ZFP14: variants seen among roughly 807,000 people sequenced by gnomAD.
ZFP14 encodes the protein zinc finger protein 14 homolog.
Under a neutral mutation model 54.5 loss-of-function variants are expected in ZFP14, and 22 were observed. The observed-to-expected ratio is 0.40, with a 90% CI of 0.29 to 0.58. ZFP14 has a LOEUF of 0.58. ZFP14 is among the 20% of genes least tolerant of loss of function. The pLI, the probability that ZFP14 is intolerant of heterozygous loss-of-function variation, is 0.39. For missense variants in ZFP14, 470 were observed against 637.8 expected (o/e 0.74, Z 2.83); for synonymous variants, 159 against 204.0 (o/e 0.78, Z 1.88).
At chr19:36,360,328 G>T in intron 4 of ZFP14, 107 bp downstream of exon 4, 1 of 918,322 alleles carries the variant, frequency 1.1e-6, no homozygotes, top group Non-Finnish European at 1.6e-6. Flanking sequence ...TAGGCCAGGG[G>T]CTTTTTGAAG....
chr19:36,368,568 T>C (rs1474611943), intron 1 of ZFP14, among the ~76,000 whole-genome samples: 1 of 152,220 alleles, frequency 6.6e-6, no homozygotes, highest in Non-Finnish European at 1.5e-5. Context: ...TCTAGCAATG[T>C]GGATCTGGTC....
chr19:36,364,957 C>T (rs1470442479), intron 2 of ZFP14, among the ~76,000 whole-genome samples: 4 of 148,674 alleles, frequency 2.7e-5, no homozygotes, highest in African/African-American at 9.9e-5. Flanking sequence ...TTCCTTCCTC[C>T]TTCTTTCTTT....
chr19:36,349,846 A>C (rs1391447961), intron 4 of ZFP14, among the ~76,000 whole-genome samples: 1 of 143,562 alleles, frequency 7.0e-6, no homozygotes, highest in East Asian at 2.0e-4. Flanking sequence ...CAAGGTTGAA[A>C]GGAATAAAAA....
At chr19:36,376,572 C>T (rs912374259) in intron 1 of ZFP14, among the ~76,000 whole-genome samples, 2 of 151,958 alleles carry the variant, frequency 1.3e-5, no homozygotes, top group Non-Finnish European at 1.5e-5. Context: ...AAAAATTCTT[C>T]GCAGCCCTGC....
At chr19:36,358,693 G>A (rs541837279) in intron 4 of ZFP14, among the ~76,000 whole-genome samples, 5 of 152,106 alleles carry the variant, frequency 3.3e-5, no homozygotes, top group Non-Finnish European at 7.4e-5. Flanking sequence ...ATCATGAATG[G>A]ATGTTGGATT....
Position 36,340,853 on chromosome 19 carries a change from G to A in ZFP14, c.973C>T (p.Pro325Ser). The change falls in exon 5 of 5, where the codon CCA (proline) becomes TCA (serine). Residue 325 changes from proline (P) to serine (S), a missense_variant. Physicochemically the swap from Pro to Ser is moderately conservative, Grantham distance 74. Coordinates refer to ENST00000270001, the MANE Select transcript of ZFP14 (RefSeq NM_020917.3). This position sits in a 1 kb window ranked among gnomAD's most constrained non-coding sequence, Gnocchi z 5.4. ...ATTTTCTGATGTACTCTAAGGTCTG[G>A]ACCACATACGAAGGCTTTCCCACAT... Reference protein sequence around the residue: ...KECGKAFVCGPDLRVHQKIHF... With the variant: ...KECGKAFVCGSDLRVHQKIHF... 1 of 1,613,404 alleles carries A rather than the reference G, an allele frequency of 6.2e-7. No individual in the cohort carries two copies. Among genetic ancestry groups the A allele is most frequent in the Non-Finnish European group, 8.5e-7 (1 of 1,179,850 alleles).
chr19:36,340,863 G>A lies in ZFP14; in HGVS notation c.963C>T (p.Phe321=), dbSNP rs375496169. 1.1e-4 allele frequency: 172 copies of A among 1,612,694 alleles called. No homozygotes were observed. The highest frequency in any genetic ancestry group is 1.7e-4 in the Middle Eastern group (1 of 6,052). ...LYECKECGKA[F]VCGPDLRVHQ... is the part of the protein sequence containing the mutation. ...GTACTCTAAGGTCTGGACCACATAC[G>A]AAGGCTTTCCCACATTCCTTACATT... Residue 321 remains phenylalanine (F), a synonymous_variant, in exon 5 of 5, where the codon TTC becomes TTT. Transcript: ENST00000270001. The surrounding 1 kb of genome is among the most constrained non-coding windows in gnomAD (Gnocchi z 5.4).
intron 4 of ZFP14, among the ~76,000 whole-genome samples, chr19:36,344,994 G>A (rs1327563004): frequency 2.6e-5 from 4 of 152,154 alleles, no homozygotes; most frequent in African/African-American, 9.7e-5. Flanking sequence ...CGGGCACTGT[G>A]GTTCACACCT....
At chr19:36,362,261 T>C (rs1461769177) in intron 2 of ZFP14, 23 bp from the exon 3 acceptor site, 14 of 1,574,960 alleles carry the variant, frequency 8.9e-6, no homozygotes, top group Non-Finnish European at 1.1e-5. Flanking sequence ...ACTCAGGTAT[T>C]ACTTGTGAAA....
At chr19:36,365,153 C>T (rs1326047357) in intron 2 of ZFP14, among the ~76,000 whole-genome samples, 1 of 151,836 alleles carries the variant, frequency 6.6e-6, no homozygotes, top group East Asian at 1.9e-4. Flanking sequence ...CAGGCGTGAG[C>T]CACTACACAC....
At position 36,349,437 on chromosome 19, in the gene ZFP14, GGTA is replaced by G. The variant is rs1306892809; in HGVS notation, c.236-7850_236-7848del. On this transcript the variant is annotated intron_variant, in intron 4 of 4. Coordinates refer to ENST00000270001, the MANE Select transcript of ZFP14 (RefSeq NM_020917.3). ...CCCAGCACTCTGGGAGGCTGAGGTG[GGTA>G]GATCACCTGAGCTCAGGAGTTTGAG... Among the ~76,000 whole-genome samples, 3 of 151,126 alleles carry G rather than the reference GGTA, an allele frequency of 2.0e-5. No individual in the cohort carries two copies. The South Asian group carries it at 6.2e-4, about 31-fold the overall frequency.
At chr19:36,372,595 G>A (rs920771907) in intron 1 of ZFP14, among the ~76,000 whole-genome samples, 1 of 152,208 alleles carries the variant, frequency 6.6e-6, no homozygotes, top group African/African-American at 2.4e-5. Context: ...GCTCATGCCT[G>A]TAACCCCAAC....
At chr19:36,342,184 T>TG (rs1419295579) in intron 4 of ZFP14, among the ~76,000 whole-genome samples, 8 of 139,640 alleles carry the variant, frequency 5.7e-5, no homozygotes, top group African/African-American at 2.2e-4. Context: ...CCTTTTTTTT[T>TG]TTTTTTTTTT....
At chr19:36,342,147 G>T (rs1318936996) in intron 4 of ZFP14, among the ~76,000 whole-genome samples, 6 of 147,866 alleles carry the variant, frequency 4.1e-5, no homozygotes, top group African/African-American at 1.5e-4. Context: ...GAGCCACTGC[G>T]CCCGGCGAGG....
At chr19:36,359,398 T>C (rs2031672838) in intron 4 of ZFP14, among the ~76,000 whole-genome samples, 1 of 152,204 alleles carries the variant, frequency 6.6e-6, no homozygotes, top group Non-Finnish European at 1.5e-5. Context: ...TGAAGGAGTT[T>C]GTATAATACT....
chr19:36,356,230 T>C (rs1421813371), intron 4 of ZFP14, among the ~76,000 whole-genome samples: 1 of 151,632 alleles, frequency 6.6e-6, no homozygotes, highest in Middle Eastern at 3.4e-3. Flanking sequence ...AGGTCAGGAG[T>C]TCGAAACCAG....
intron 1 of ZFP14, among the ~76,000 whole-genome samples, chr19:36,376,247 A>G (rs1348056850): frequency 2.6e-5 from 4 of 152,218 alleles, no homozygotes; most frequent in South Asian, 2.1e-4. Flanking sequence ...AATACTACAT[A>G]TGCTTCTTCC....
intron 4 of ZFP14, among the ~76,000 whole-genome samples, chr19:36,351,781 C>T (rs2031530211): frequency 7.0e-6 from 1 of 142,696 alleles, no homozygotes; most frequent in Non-Finnish European, 1.6e-5. Context: ...ATTGCTTGAG[C>T]CCAGGAGTTT....
At chr19:36,371,612 A>T (rs2031877641) in intron 1 of ZFP14, among the ~76,000 whole-genome samples, 1 of 152,154 alleles carries the variant, frequency 6.6e-6, no homozygotes. Flanking sequence ...CAAATATTTG[A>T]GCAGTAGGAG....
Sources: allele counts gnomAD v4.1 joint callset (sites outside exome capture counted in the v4.1 genomes callset), GRCh38; gene constraint gnomAD v4.1.1; non-coding constraint Gnocchi (gnomAD v3.1); transcripts MANE v1.5; gene names NCBI Gene and HGNC (gene_info 2026-07-23, HGNC 2026-07-21).